Variants in SORL1 observed in about 807,000 individuals in gnomAD.
The protein encoded by SORL1 is sortilin-related receptor.
In SORL1, 127 loss-of-function variants were observed where a neutral mutation model predicts 273.7. The ratio of observed to expected loss-of-function variants is 0.46; its 90% CI spans 0.40 to 0.54. SORL1 has a LOEUF of 0.54. SORL1 is among the 20% of genes least tolerant of loss of function. The probability of loss-of-function intolerance (pLI) is 0.00; values close to 1 mark genes in which losing one functional copy is unlikely to be tolerated. For synonymous variants in SORL1, 1,031 were observed against 1,067.4 expected (o/e 0.97, Z 0.66); for missense variants, 2,494 against 2,846.1 (o/e 0.88, Z 2.81).
intron 11 of SORL1, among the ~76,000 whole-genome samples, chr11:121,530,289 A>G (rs77665585): frequency 1.3e-5 from 2 of 152,344 alleles, no homozygotes; most frequent in East Asian, 1.9e-4. Flanking sequence ...AAATTTCCCT[A>G]TAGCCTAAAG....
At chr11:121,518,993 G>C (rs1160244357) in intron 8 of SORL1, among the ~76,000 whole-genome samples, 1 of 150,056 alleles carries the variant, frequency 6.7e-6, no homozygotes, top group African/African-American at 2.5e-5. Flanking sequence ...CTGTCACCAG[G>C]CTGGAGTGCA....
At chr11:121,534,551 A>G (rs1175827409) in intron 12 of SORL1, among the ~76,000 whole-genome samples, 1 of 152,240 alleles carries the variant, frequency 6.6e-6, no homozygotes, top group Non-Finnish European at 1.5e-5. Context: ...AAGCATTTGA[A>G]AATACGAAAA....
At position 121,589,465 on chromosome 11, in the gene SORL1, A is replaced by G. The variant is rs1017847993; in HGVS notation, c.4078+75A>G. On this transcript the variant is annotated intron_variant, in intron 29 of 47. Coordinates refer to ENST00000260197, the MANE Select transcript of SORL1 (RefSeq NM_003105.6). Reference sequence around the variant, plus strand: ...GATGCCTGCAGTTACAGGGACACTCACCGGCAACCCCACTGCAGACTTGGC... The same window carrying G: ...GATGCCTGCAGTTACAGGGACACTCGCCGGCAACCCCACTGCAGACTTGGC... 9 of 1,568,200 alleles carry G rather than the reference A, an allele frequency of 5.7e-6. No individual in the cohort carries two copies. The African/African-American group carries it at 1.1e-4, about 19-fold the overall frequency.
chr11:121,583,589 T>C lies in SORL1; in HGVS notation c.3706+6T>C. The C allele has an allele frequency of 6.2e-7, 1 of 1,603,270 alleles. No individual in the cohort carries two copies. Among genetic ancestry groups the C allele is most frequent in the Non-Finnish European group, 8.5e-7 (1 of 1,174,842 alleles). On this transcript the variant is annotated splice_donor_region_variant and intron_variant, in intron 26 of 47. Transcript: ENST00000260197. ...TGAGGATCCAGTCAACTGTGGTAAATGCAAATTCCCCAGCTCCCTCCCTGA... is the reference window on the plus strand; with the variant it reads ...TGAGGATCCAGTCAACTGTGGTAAACGCAAATTCCCCAGCTCCCTCCCTGA...
At chr11:121,612,906 T>C in intron 40 of SORL1, 74 bp downstream of exon 40, 15 of 1,080,584 alleles carry the variant, frequency 1.4e-5, no homozygotes, top group Non-Finnish European at 2.1e-5. Flanking sequence ...GCTGTAGAGC[T>C]TGACTGGGGG....
rs745838079 is a variant in SORL1 at position 121,543,639 on chromosome 11, A to G, written c.1777A>G (p.Lys593Glu). 1.2e-6 allele frequency: 2 copies of G among 1,614,168 alleles called. No individual in the cohort carries two copies. Among genetic ancestry groups the G allele is most frequent in the South Asian group, 2.2e-5 (2 of 91,082 alleles). The change falls in exon 13 of 48, where the codon AAG (lysine) becomes GAG (glutamate). Residue 593 changes from lysine to glutamate, a missense_variant. Physicochemically the swap from Lys to Glu is moderately conservative, Grantham distance 56 (BLOSUM62 1). Coordinates refer to ENST00000260197, the MANE Select transcript of SORL1 (RefSeq NM_003105.6). Reference protein sequence around the residue: ...VYGLLTEPGEKSTVFTIFGSN... With the variant: ...VYGLLTEPGEESTVFTIFGSN... ...TGGCCTCCTCACAGAACCTGGGGAG[A>G]AGAGCACTGTCTTCACCATCTTTGG...
intron 5 of SORL1, among the ~76,000 whole-genome samples, chr11:121,494,325 C>A (rs373851870): frequency 6.6e-6 from 1 of 152,104 alleles, no homozygotes; most frequent in East Asian, 1.9e-4. Flanking sequence ...TAAGTGAAAG[C>A]GTAATCTAGT....
chr11:121,454,475 A>C lies in SORL1; in HGVS notation c.285+1859A>C, dbSNP rs149493810. On this transcript the variant is annotated intron_variant, in intron 1 of 47. Transcript: ENST00000260197. ...CTGTTCTCACTGGGAGTGACTCCCA[A>C]ACCCTGGGCTTTTGAGTTTCTGGGC... is the stretch of plus-strand genomic sequence containing the variant. Among the ~76,000 whole-genome samples, 439 of 152,338 alleles carry C rather than the reference A, an allele frequency of 2.9e-3. 1 individual carries two copies. The highest frequency in any genetic ancestry group is 4.0e-3 in the Admixed American group (61 of 15,296).
intron 3 of SORL1, among the ~76,000 whole-genome samples, chr11:121,485,367 C>T (rs2134806557): frequency 6.6e-6 from 1 of 152,266 alleles, no homozygotes; most frequent in Non-Finnish European, 1.5e-5. Context: ...AACATGTGAA[C>T]CAGTCAGATA....
In SORL1 at chr11:121,591,156, G is replaced by A. The variant is rs766560472; in HGVS notation, c.4369G>A (p.Ala1457Thr). The A allele has an allele frequency of 6.2e-7, 1 of 1,614,108 alleles. No homozygotes were observed. Among genetic ancestry groups the A allele is most frequent in the South Asian group, 1.1e-5 (1 of 91,052 alleles). Residue 1457 changes from alanine to threonine, a missense_variant and splice_region_variant, in exon 31 of 48, where the codon GCA becomes ACA. Around this residue, in one of 3 missense-constraint regions of SORL1, gnomAD observed 1,609 missense variants for 1,816.4 expected, o/e 0.89. Transcript: ENST00000260197. ...TGACGAGGAAGCCTGCCCCTTGCTT[G>A]GTGAGTTCTGGCCCAGGTCCTCTCC... ...GSDEEACPLL[A>T]NVTAASTPTQ...
At chr11:121,522,096 TC>T (rs1297537624) in intron 9 of SORL1, among the ~76,000 whole-genome samples, 2 of 152,264 alleles carry the variant, frequency 1.3e-5, no homozygotes, top group Admixed American at 6.5e-5. Context: ...GCTTTTTATA[TC>T]TCATTGATAC....
chr11:121,509,814 A>G (rs1385261577), intron 6 of SORL1, among the ~76,000 whole-genome samples: 1 of 152,176 alleles, frequency 6.6e-6, no homozygotes, highest in Non-Finnish European at 1.5e-5. Flanking sequence ...ACACAAAATT[A>G]AAAAAAATCT....
At chr11:121,548,253 C>T (rs928483276) in intron 14 of SORL1, among the ~76,000 whole-genome samples, 4 of 152,242 alleles carry the variant, frequency 2.6e-5, no homozygotes, top group African/African-American at 9.6e-5. Context: ...CTCCCAAGTA[C>T]TCTCAGAGTC....
At chr11:121,543,173 A>G (rs1167715857) in intron 12 of SORL1, among the ~76,000 whole-genome samples, 1 of 151,584 alleles carries the variant, frequency 6.6e-6, no homozygotes, top group Non-Finnish European at 1.5e-5. Context: ...CCTGGGTGAC[A>G]GAGTGAGACT....
Position 121,532,369 on chromosome 11 carries a change from A to G in SORL1, c.1597-95A>G, listed in dbSNP as rs902335309. ...AGTGGTTGTCATTGCTGTTATGTCT[A>G]TGTGCACGTGTGTGCATGCCTGTGG... On this transcript the variant is annotated intron_variant, in intron 11 of 47. Coordinates refer to ENST00000260197, the MANE Select transcript of SORL1 (RefSeq NM_003105.6). The G allele has an allele frequency of 4.5e-5, 47 of 1,044,832 alleles. No individual in the cohort carries two copies. In the Admixed American group the frequency reaches 5.0e-4, roughly 11 times the overall value. The allele number at this position is 1,044,832 out of a possible 1,614,324, so 64.7% of individuals were successfully genotyped here.
chr11:121,588,163 C>T lies in SORL1; in HGVS notation c.3946+12C>T. 6.2e-7 allele frequency: 1 copy of T among 1,612,298 alleles called. No individual in the cohort carries two copies. The highest frequency in any genetic ancestry group is 1.7e-5 in the Admixed American group (1 of 59,984). The stretch of plus-strand genomic sequence containing the variant: ...GTTTGCAGGATGCTGTGAGTTGGGG[C>T]AGGCAGGGGAGGTGACTCACGGTCA... On this transcript the variant is annotated intron_variant, in intron 28 of 47. Transcript: ENST00000260197.
rs1260458298 is a variant in SORL1, at chr11:121,514,311, A to C, written c.1201A>C (p.Thr401Pro). 6.2e-7 allele frequency: 1 copy of C among 1,613,502 alleles called. No homozygotes were observed. Among genetic ancestry groups the C allele is most frequent in the Non-Finnish European group, 8.5e-7 (1 of 1,179,810 alleles). ...CAGCCCAGGAGGGGCCGGCAGTGAC[A>C]CCTTGGTGAGGTAAGGAGACTGTGA... ...YYSPGGAGSD[T>P]LVRYFANEPF... The change falls in exon 8 of 48, where the codon ACC becomes CCC. Residue 401 changes from threonine to proline, a missense_variant. Around this residue, in one of 3 missense-constraint regions of SORL1, gnomAD observed 710 missense variants for 882.5 expected, o/e 0.80. Transcript: ENST00000260197.
chr11:121,516,912 C>T (rs1169837992), intron 8 of SORL1, among the ~76,000 whole-genome samples: 3 of 152,000 alleles, frequency 2.0e-5, no homozygotes, highest in Non-Finnish European at 2.9e-5. Context: ...ATTAGCTGGG[C>T]GTGGTGGCAC....
In SORL1 at chr11:121,561,998, G is replaced by T. The variant is rs997586654; in HGVS notation, c.3049+2341G>T. 3.3e-5 allele frequency among the ~76,000 whole-genome samples: 5 copies of T among 152,040 alleles called. No individual in the cohort carries two copies. The South Asian group carries it at 8.3e-4, about 25-fold the overall frequency. On this transcript the variant is annotated intron_variant, in intron 21 of 47. Transcript: ENST00000260197. ...TGTCAGCACTGTCTATGAGCACTCCGCACCTCTTGGCCTTGAACTTGTTTG... is the reference window on the plus strand; with the variant it reads ...TGTCAGCACTGTCTATGAGCACTCCTCACCTCTTGGCCTTGAACTTGTTTG...
Sources: gnomAD v4.1 joint callset for allele counts (sites outside exome capture counted in the v4.1 genomes callset) on GRCh38, gnomAD v4.1.1 for gene constraint, gnomAD v4.1.1 regional missense constraint, MANE v1.5 for transcripts, NCBI Gene and HGNC (gene_info 2026-07-23, HGNC 2026-07-21) for gene names.